Variants in FLI1 observed in about 807,000 individuals in gnomAD.
FLI1 encodes the protein Fli-1 proto-oncogene, ETS transcription factor, also known as Friend leukemia integration 1 transcription factor.
A neutral mutation model predicts 53.1 loss-of-function variants in FLI1; 13 were observed. That is an observed-to-expected ratio of 0.24 (90% confidence interval 0.16 to 0.39). FLI1 has a LOEUF of 0.39. Ranked by LOEUF, FLI1 falls within the 10% of genes least tolerant of loss-of-function variation. The pLI is 1.00. For synonymous variants in FLI1, 244 were observed against 236.7 expected (o/e 1.03, Z -0.28); for missense variants, 424 against 600.5 (o/e 0.71, Z 3.07).
At chr11:128,773,326 T>C (rs868834895) in intron 4 of FLI1, among the ~76,000 whole-genome samples, 2 of 152,208 alleles carry the variant, frequency 1.3e-5, no homozygotes, top group African/African-American at 4.8e-5. Flanking sequence ...TGGCTGGTGT[T>C]TTCCTAAGTG....
chr11:128,687,841 A>T (rs1937605712), intron 1 of FLI1, among the ~76,000 whole-genome samples: 1 of 152,192 alleles, frequency 6.6e-6, no homozygotes, highest in African/African-American at 2.4e-5. Context: ...GCTTGGCCCA[A>T]AAAGGGGTGT....
At chr11:128,690,615 T>A (rs1351529702), upstream of FLI1, among the ~76,000 whole-genome samples, 2 of 152,254 alleles carry the variant, frequency 1.3e-5, no homozygotes, top group Non-Finnish European at 2.9e-5. Flanking sequence ...CAAGTGCGAA[T>A]GGTGCGAGGC....
intron 5 of FLI1, among the ~76,000 whole-genome samples, chr11:128,800,101 G>C (rs900701383): frequency 6.6e-6 from 1 of 152,106 alleles, no homozygotes; most frequent in South Asian, 2.1e-4. Flanking sequence ...CCATTGATTT[G>C]AGCATTTCTC....
rs891752789 is a variant in FLI1 at position 128,811,173 on chromosome 11, C to T, written c.*185C>T. The T allele has an allele frequency of 1.2e-5, 7 of 605,900 alleles. No homozygotes were observed. Among genetic ancestry groups the T allele is most frequent in the Non-Finnish European group, 2.0e-5 (7 of 347,024 alleles). The allele number at this position is 605,900 out of a possible 1,614,324, so 37.5% of individuals were successfully genotyped here. A position where few individuals can be genotyped will look rare whatever the true frequency, so the allele number is the denominator to read the frequency against. ...TTAATGTTGGTAACTTTTGCTTCCT[C>T]TACCTGAACAAAGAGATGAATAATT... On this transcript the variant is annotated 3_prime_UTR_variant, in exon 9 of 9. Transcript: ENST00000527786.
In FLI1 at chr11:128,810,599, C is replaced by T. The variant is rs773148506; in HGVS notation, c.970C>T (p.Arg324Trp). Residue 324 changes from arginine to tryptophan, a missense_variant, in exon 9 of 9, where the codon CGG becomes TGG. Arg to Trp is a moderately radical substitution (Grantham distance 101, BLOSUM62 -3). Around this residue, in one of 5 missense-constraint regions of FLI1, gnomAD observed 71 missense variants for 174.2 expected, o/e 0.41. Coordinates refer to ENST00000527786, the MANE Select transcript of FLI1 (RefSeq NM_002017.5). The surrounding 1 kb of genome is among the most constrained non-coding windows in gnomAD (Gnocchi z 6.6). ...PDEVARRWGE[R>W]KSKPNMNYDK... ...TGAGGTGGCCAGGCGCTGGGGCGAGCGGAAAAGCAAGCCCAACATGAATTA... is the reference window on the plus strand; with the variant it reads ...TGAGGTGGCCAGGCGCTGGGGCGAGTGGAAAAGCAAGCCCAACATGAATTA... The T allele has an allele frequency of 1.9e-6, 3 of 1,613,566 alleles. No individual in the cohort carries two copies. Among genetic ancestry groups the T allele is most frequent in the Non-Finnish European group, 1.7e-6 (2 of 1,179,814 alleles).
At chr11:128,743,699 C>T (rs546847700) in intron 1 of FLI1, among the ~76,000 whole-genome samples, 2 of 151,842 alleles carry the variant, frequency 1.3e-5, no homozygotes, top group Non-Finnish European at 2.9e-5. Flanking sequence ...ACTAACTGTC[C>T]CTTATGGAGT....
intron 1 of FLI1, among the ~76,000 whole-genome samples, chr11:128,706,752 T>A (rs571307305): frequency 6.6e-6 from 1 of 152,220 alleles, no homozygotes; most frequent in Non-Finnish European, 1.5e-5. Flanking sequence ...TTCTGGGTGA[T>A]TGAAGAGGGC....
In FLI1 at chr11:128,758,316, A is replaced by C. The variant is rs1301112496; in HGVS notation, c.220A>C (p.Asn74His). Residue 74 changes from asparagine (N) to histidine (H), a missense_variant, in exon 2 of 9, where the codon AAT becomes CAT. By Grantham distance (68) the Asn-to-His change is moderately conservative. Around this residue, in one of 5 missense-constraint regions of FLI1, gnomAD observed 137 missense variants for 169.1 expected, o/e 0.81. Transcript: ENST00000527786. The stretch of plus-strand genomic sequence containing the variant: ...CGTCAAGCGGGAGTATGACCACATG[A>C]ATGGATCCAGGTAAGCTCACCAGGC... The part of the protein sequence containing the change: ...VNVKREYDHM[N>H]GSRESPVDCS... The C allele has an allele frequency of 2.5e-6, 4 of 1,612,854 alleles. No individual in the cohort carries two copies. The South Asian group carries it at 4.4e-5, about 18-fold the overall frequency.
intron 1 of FLI1, among the ~76,000 whole-genome samples, chr11:128,721,643 G>T (rs559954897): frequency 4.1e-4 from 63 of 152,322 alleles, no homozygotes; most frequent in South Asian, 3.1e-3. Flanking sequence ...GACCCTTGTG[G>T]TCAGGGAGTT....
intron 1 of FLI1, among the ~76,000 whole-genome samples, chr11:128,728,873 G>A (rs1051581329): frequency 6.6e-6 from 1 of 152,216 alleles, no homozygotes; most frequent in Non-Finnish European, 1.5e-5. Context: ...CAAGGGTGGG[G>A]TGAAGGAAAT....
At chr11:128,799,173 G>A (rs1480337494) in intron 5 of FLI1, among the ~76,000 whole-genome samples, 1 of 151,702 alleles carries the variant, frequency 6.6e-6, no homozygotes, top group African/African-American at 2.4e-5. Context: ...GCCTCCCAAA[G>A]TGCTGGGATT....
chr11:128,749,266 G>A (rs1050814984), intron 1 of FLI1, among the ~76,000 whole-genome samples: 2 of 152,182 alleles, frequency 1.3e-5, no homozygotes, highest in Admixed American at 6.5e-5. Context: ...GAGACGTTCC[G>A]GTTACTATGG....
At chr11:128,792,619 T>G (rs952214792) in intron 5 of FLI1, among the ~76,000 whole-genome samples, 1 of 152,214 alleles carries the variant, frequency 6.6e-6, no homozygotes, top group African/African-American at 2.4e-5. Context: ...AGACATCTTC[T>G]AGTGAAAGAC....
intron 1 of FLI1, among the ~76,000 whole-genome samples, chr11:128,702,534 T>C (rs1938377758): frequency 6.6e-6 from 1 of 152,252 alleles, no homozygotes; most frequent in Non-Finnish European, 1.5e-5. Flanking sequence ...CTTCTTCTGA[T>C]TCTCCCTTTC....
At chr11:128,778,503 G>A (rs528799342) in intron 4 of FLI1, among the ~76,000 whole-genome samples, 1 of 152,352 alleles carries the variant, frequency 6.6e-6, no homozygotes, top group African/African-American at 2.4e-5. Context: ...CCACGATGGG[G>A]CTCCTGCCTT....
intron 1 of FLI1, among the ~76,000 whole-genome samples, chr11:128,748,456 C>G (rs977831829): frequency 6.6e-6 from 1 of 151,938 alleles, no homozygotes; most frequent in Non-Finnish European, 1.5e-5. Flanking sequence ...CCAGCCTGAC[C>G]AACATGGTGA....
chr11:128,767,059 C>A (rs951416087), intron 2 of FLI1, among the ~76,000 whole-genome samples: 1 of 152,026 alleles, frequency 6.6e-6, no homozygotes, highest in African/African-American at 2.4e-5. Flanking sequence ...GCTGGAGGTG[C>A]GTGATGCTGG....
At chr11:128,791,285 C>T (rs1482139980) in intron 5 of FLI1, among the ~76,000 whole-genome samples, 3 of 152,188 alleles carry the variant, frequency 2.0e-5, no homozygotes, top group African/African-American at 7.2e-5. Context: ...TCTTCAACCA[C>T]ACTTTGGAAT....
chr11:128,777,765 G>A (rs1459692176), intron 4 of FLI1, among the ~76,000 whole-genome samples: 2 of 152,230 alleles, frequency 1.3e-5, no homozygotes, highest in Non-Finnish European at 2.9e-5. Flanking sequence ...CAATAGGCTG[G>A]CTGTGAGGGG....
Sources: allele counts gnomAD v4.1 joint callset (sites outside exome capture counted in the v4.1 genomes callset), GRCh38; gene constraint gnomAD v4.1.1; regional missense constraint gnomAD v4.1.1; non-coding constraint Gnocchi (gnomAD v3.1); transcripts MANE v1.5; gene names NCBI Gene and HGNC (gene_info 2026-07-23, HGNC 2026-07-21).